The following FHDC1 variants were observed in gnomAD, a reference collection of about 807,000 sequenced individuals.
The protein encoded by FHDC1 is FH2 domain containing 1, also known as FH2 domain-containing protein 1.
Under a neutral mutation model 52.6 loss-of-function variants are expected in FHDC1, and 25 were observed. The observed-to-expected ratio is 0.48, with a 90% confidence interval of 0.35 to 0.66. FHDC1 has a LOEUF of 0.66. Among genes scored for constraint, FHDC1 ranks in the 30% least tolerant of loss-of-function variants. The pLI is 0.01. For missense variants in FHDC1, 1,459 were observed against 1,452.8 expected (o/e 1.00, Z -0.07); for synonymous variants, 616 against 581.5 (o/e 1.06, Z -0.85).
chr4:152,937,076 C>T (rs1739405477), intron 1 of FHDC1, among the ~76,000 whole-genome samples: 2 of 152,202 alleles, frequency 1.3e-5, no homozygotes. Flanking sequence ...TGGGGATCAG[C>T]CTCCAAACAA....
chr4:152,927,487 G>T, the FHDC1 span: 1 of 914,390 alleles, frequency 1.1e-6, no homozygotes, highest in Non-Finnish European at 1.9e-6. Flanking sequence ...TCAAAAAGAG[G>T]TTTGTGTCTG....
the FHDC1 span, among the ~76,000 whole-genome samples, chr4:152,917,628 A>G: frequency 1.3e-5 from 2 of 152,170 alleles, no homozygotes; most frequent in Admixed American, 1.3e-4. Flanking sequence ...TGGAGAATTG[A>G]GTTTTAACCA....
chr4:152,936,523 G>C (rs1000077679), intron 1 of FHDC1, 114 bp downstream of exon 1: 2 of 152,288 alleles, frequency 1.3e-5, no homozygotes, highest in African/African-American at 2.4e-5. Flanking sequence ...ACCCGAGGCT[G>C]AGGCGCCGAG....
At chr4:152,958,465 C>A (rs1225475541) in intron 4 of FHDC1, among the ~76,000 whole-genome samples, 1 of 151,650 alleles carries the variant, frequency 6.6e-6, no homozygotes, top group Non-Finnish European at 1.5e-5. Flanking sequence ...AAATTAAATA[C>A]GGTCTTTCCA....
chr4:152,926,303 C>CACACACACACACACAT, the FHDC1 span, among the ~76,000 whole-genome samples: 20 of 141,072 alleles, frequency 1.4e-4, no homozygotes, highest in Non-Finnish European at 2.2e-4. Context: ...CACACACACA[C>CACACACACACACACAT]AAACAATACA....
At chr4:152,954,493 T>A (rs916950962) in intron 4 of FHDC1, among the ~76,000 whole-genome samples, 174 bp downstream of exon 4, 10 of 151,962 alleles carry the variant, frequency 6.6e-5, no homozygotes, top group Admixed American at 5.9e-4. Context: ...TTGAGACCAG[T>A]CTGGCCAACA....
intron 1 of FHDC1, among the ~76,000 whole-genome samples, chr4:152,939,608 ATTGAAATTTCACATAG>A (rs1425301187): frequency 6.6e-6 from 1 of 152,164 alleles, no homozygotes; most frequent in Non-Finnish European, 1.5e-5. Context: ...GCATCGCCTT[ATTGAAATTTCACATAG>A]TTGAAAGATG....
At chr4:152,942,880 C>T (rs769618628) in intron 1 of FHDC1, 48 bp from the exon 2 acceptor site, 42 of 653,032 alleles carry the variant, frequency 6.4e-5, no homozygotes, top group Admixed American at 4.2e-4. Context: ...AATGCTGATG[C>T]GAAACTGTTT....
chr4:152,969,125 T>G (rs1013247249), intron 10 of FHDC1, among the ~76,000 whole-genome samples: 1 of 151,874 alleles, frequency 6.6e-6, no homozygotes, highest in African/African-American at 2.4e-5. Flanking sequence ...GCTTTTAGTC[T>G]TCAGCGAAAG....
intron 9 of FHDC1, among the ~76,000 whole-genome samples, chr4:152,967,467 T>G (rs1740499941): frequency 6.6e-6 from 1 of 152,120 alleles, no homozygotes; most frequent in South Asian, 2.1e-4. Context: ...ATGTTTTAGT[T>G]CTCTGTAAAA....
the FHDC1 span, among the ~76,000 whole-genome samples, chr4:152,921,338 A>G: frequency 6.6e-6 from 1 of 152,080 alleles, no homozygotes; most frequent in Non-Finnish European, 1.5e-5. Flanking sequence ...TTAACTTAAT[A>G]TAACTTTAGA....
chr4:152,926,192 A>G, the FHDC1 span, among the ~76,000 whole-genome samples: 2 of 151,712 alleles, frequency 1.3e-5, no homozygotes, highest in Admixed American at 1.3e-4. Context: ...GAAAAAAAAA[A>G]CTTGATAAAA....
the FHDC1 span, among the ~76,000 whole-genome samples, chr4:152,926,112 C>T: frequency 6.6e-6 from 1 of 150,832 alleles, no homozygotes; most frequent in East Asian, 1.9e-4. Flanking sequence ...GTTCCTCATG[C>T]AGCAGAGGGT....
At chr4:152,916,726 A>C in the FHDC1 span, among the ~76,000 whole-genome samples, 1 of 152,154 alleles carries the variant, frequency 6.6e-6, no homozygotes. Context: ...CTCCTCTAGC[A>C]TGGGAGATAA....
At chr4:152,968,155 C>T in intron 10 of FHDC1, 58 bp downstream of exon 10, 1 of 1,319,966 alleles carries the variant, frequency 7.6e-7, no homozygotes, top group South Asian at 1.3e-5. Flanking sequence ...CACCCCGGGG[C>T]TGGTTAAATT....
intron 2 of FHDC1, among the ~76,000 whole-genome samples, chr4:152,948,209 G>C (rs975903161): frequency 6.6e-6 from 1 of 152,222 alleles, no homozygotes; most frequent in African/African-American, 2.4e-5. Flanking sequence ...CTTGAAGTGG[G>C]ATGGAAATAG....
chr4:152,949,152 A>AAGAAGC (rs1364530531), intron 2 of FHDC1, among the ~76,000 whole-genome samples: 38 of 142,754 alleles, frequency 2.7e-4, no homozygotes, highest in Non-Finnish European at 4.9e-4. Context: ...GAAGAAGAAG[A>AAGAAGC]AGAAGAAGAA....
chr4:152,924,135 T>G, the FHDC1 span, among the ~76,000 whole-genome samples: 1 of 151,788 alleles, frequency 6.6e-6, no homozygotes, highest in Non-Finnish European at 1.5e-5. Context: ...ATCCAGAATC[T>G]ACAATGAACT....
At chr4:152,948,808 T>C (rs1739815554) in intron 2 of FHDC1, among the ~76,000 whole-genome samples, 4 of 152,140 alleles carry the variant, frequency 2.6e-5, no homozygotes, top group Non-Finnish European at 5.9e-5. Context: ...GATGAAGTGC[T>C]CTGGGGATGG....
Sources: allele counts gnomAD v4.1 joint callset (sites outside exome capture counted in the v4.1 genomes callset), GRCh38; gene constraint gnomAD v4.1.1; transcripts MANE v1.5; gene names NCBI Gene and HGNC (gene_info 2026-07-23, HGNC 2026-07-21).